LPA: variants seen among roughly 807,000 people sequenced by gnomAD.
The protein encoded by LPA is apolipoprotein(a).
Under a neutral mutation model 197.9 loss-of-function variants are expected in LPA, and 199 were observed. That is an observed-to-expected ratio of 1.01 (90% CI 0.90 to 1.13). LPA has a LOEUF of 1.13. LPA is among the 50% of genes most tolerant of loss of function. The pLI, the probability that LPA is intolerant of heterozygous loss-of-function variation, is 0.00. For missense variants in LPA, 1,853 were observed against 1,785.8 expected (o/e 1.04, Z -0.68); for synonymous variants, 715 against 639.5 (o/e 1.12, Z -1.78).
intron 4 of LPA, among the ~76,000 whole-genome samples, chr6:160,641,073 T>A (rs1204585519): frequency 7.2e-6 from 1 of 139,246 alleles, no homozygotes; most frequent in East Asian, 2.0e-4. Context: ...ATAAAAAATC[T>A]AAAGTAGCAA....
intron 20 of LPA, among the ~76,000 whole-genome samples, chr6:160,596,291 T>C (rs1434362423): frequency 6.6e-6 from 1 of 152,200 alleles, no homozygotes; most frequent in African/African-American, 2.4e-5. Flanking sequence ...GAATCAACTT[T>C]CTGTTTCAAG....
chr6:160,603,905 C>T (rs1426045941), intron 18 of LPA, among the ~76,000 whole-genome samples: 1 of 152,126 alleles, frequency 6.6e-6, no homozygotes, highest in Non-Finnish European at 1.5e-5. Flanking sequence ...ACTGTATTCC[C>T]AAGAGGTTCA....
rs529901215 is a variant in LPA, at chr6:160,534,263, A to T, written c.5843-1614T>A. ...TTCTCAAAATATTTTGCTGAAAGTT[A>T]AGTTAGGTGTCACTGCTCTCAGATT... On this transcript the variant is annotated intron_variant, in intron 37 of 38. Transcript: ENST00000316300. Among the ~76,000 whole-genome samples the T allele has an allele frequency of 2.0e-4, 31 of 152,310 alleles. No individual in the cohort carries two copies. In the East Asian group the frequency reaches 6.0e-3, roughly 29 times the overall value.
chr6:160,571,102 T>G (rs1778554620), intron 28 of LPA, among the ~76,000 whole-genome samples: 1 of 152,222 alleles, frequency 6.6e-6, no homozygotes, highest in South Asian at 2.1e-4. Flanking sequence ...TTTTCACGCT[T>G]TACTTCATTA....
intron 26 of LPA, 101 bp downstream of exon 26, chr6:160,584,945 T>G: frequency 8.2e-7 from 1 of 1,225,714 alleles, no homozygotes; most frequent in Non-Finnish European, 1.2e-6. Context: ...ACTCTGAGTC[T>G]ATGAGAAATT....
chr6:160,562,319 C>T (rs564332451), intron 28 of LPA, among the ~76,000 whole-genome samples: 272 of 152,160 alleles, frequency 1.8e-3, no homozygotes, highest in African/African-American at 6.4e-3. Context: ...GCGTCTATTG[C>T]GATAATCATA....
chr6:160,598,686 G>C (rs1040673968), intron 20 of LPA, among the ~76,000 whole-genome samples: 49 of 152,088 alleles, frequency 3.2e-4, no homozygotes, highest in African/African-American at 1.1e-3. Context: ...CTGCTTTCCT[G>C]CCTTTGTTCT....
At chr6:160,634,751 A>T (rs1222801794) in intron 7 of LPA, among the ~76,000 whole-genome samples, 2 of 151,862 alleles carry the variant, frequency 1.3e-5, no homozygotes, top group Non-Finnish European at 2.9e-5. Context: ...TGAAGATTGC[A>T]CTGACTGCTG....
intron 34 of LPA, 95 bp downstream of exon 34, chr6:160,542,593 G>T: frequency 6.4e-7 from 1 of 1,562,052 alleles, no homozygotes. Flanking sequence ...GGCAGGTATT[G>T]ATGCATCAGC....
chr6:160,603,609 G>C (rs1443867888), intron 18 of LPA, among the ~76,000 whole-genome samples: 1 of 151,932 alleles, frequency 6.6e-6, no homozygotes, highest in Admixed American at 6.6e-5. Flanking sequence ...AGGTCTATTT[G>C]TATTGACTGA....
At chr6:160,651,782 G>T (rs947642842) in intron 1 of LPA, among the ~76,000 whole-genome samples, 8 of 152,108 alleles carry the variant, frequency 5.3e-5, no homozygotes, top group Non-Finnish European at 1.0e-4. Context: ...AAAGAATCTT[G>T]TGGTAAAGGT....
chr6:160,606,519 T>G lies in LPA; in HGVS notation c.2743A>C (p.Thr915Pro). Residue 915 changes from threonine to proline, a missense_variant, in exon 17 of 39, where the codon ACT becomes CCT. By Grantham distance (38) the Thr-to-Pro change is conservative. This residue lies in a region of LPA where 1,737 missense variants were observed against 1,504.4 expected (regional missense o/e 1.15). Coordinates refer to ENST00000316300, the MANE Select transcript of LPA (RefSeq NM_005577.4). ...DAEGTAVAPP[T>P]ITPIPSLEAP... The stretch of plus-strand genomic sequence containing the variant: ...TCTAGGCTTGGAATCGGGGTAATAG[T>G]TGGAGGCGCGACGGCAGTCCCTTCT... 1 of 1,613,540 alleles carries G rather than the reference T, an allele frequency of 6.2e-7. No individual in the cohort carries two copies. The highest frequency in any genetic ancestry group is 8.5e-7 in the Non-Finnish European group (1 of 1,179,894).
At chr6:160,647,642 T>A (rs1171696142) in intron 2 of LPA, among the ~76,000 whole-genome samples, 4 of 152,218 alleles carry the variant, frequency 2.6e-5, no homozygotes, top group African/African-American at 7.2e-5. Flanking sequence ...GTGATTGCTC[T>A]AGGATTTGCA....
Position 160,556,127 on chromosome 6 carries a change from T to C in LPA, c.4871A>G (p.Tyr1624Cys). ...RQCYHGNGQS[Y>C]RGTFSTTVTG... ...GACAGTGGTGGAGAATGTGCCTCGA[T>C]AACTCTGGCCATTACCATGGTAGCA... The change falls in exon 30 of 39, where the codon TAT becomes TGT. Residue 1624 changes from tyrosine (Y) to cysteine (C), a missense_variant. Physicochemically the swap from Tyr to Cys is radical, Grantham distance 194. This residue lies in a region of LPA where 1,737 missense variants were observed against 1,504.4 expected (regional missense o/e 1.15). Coordinates refer to ENST00000316300, the MANE Select transcript of LPA (RefSeq NM_005577.4). The C allele has an allele frequency of 6.2e-7, 1 of 1,614,024 alleles. No individual in the cohort carries two copies. Among genetic ancestry groups the C allele is most frequent in the South Asian group, 1.1e-5 (1 of 91,080 alleles).
At chr6:160,589,532 G>A (rs932943669) in intron 24 of LPA, 21 bp downstream of exon 24, 1 of 1,612,288 alleles carries the variant, frequency 6.2e-7, no homozygotes, top group Non-Finnish European at 8.5e-7. Context: ...GTTTCTCTTG[G>A]GAGAAAACTC....
intron 28 of LPA, among the ~76,000 whole-genome samples, chr6:160,575,190 C>T (rs7454656): frequency 0.099 from 15,028 of 151,944 alleles, 951 homozygotes; most frequent in Non-Finnish European, 0.15. Context: ...AATCTGTGAG[C>T]TTTTTTTTCT....
chr6:160,600,256 C>G (rs1407434557), intron 19 of LPA, among the ~76,000 whole-genome samples: 2 of 152,170 alleles, frequency 1.3e-5, no homozygotes, highest in Non-Finnish European at 2.9e-5. Flanking sequence ...TCGTGCCCAG[C>G]ATAATGCATT....
At position 160,544,375 on chromosome 6, in the gene LPA, T is replaced by C. The variant is rs776168303; in HGVS notation, c.5398+1065A>G. On this transcript the variant is annotated intron_variant, in intron 33 of 38. Transcript: ENST00000316300. ...GACAAAATAGAACAAAAGCACCCAC[T>C]CGAGAAAAAAGTCAGCTATCAACTC... is the stretch of plus-strand genomic sequence containing the variant. Among the ~76,000 whole-genome samples the C allele has an allele frequency of 2.6e-5, 4 of 151,898 alleles. No homozygotes were observed. The South Asian group carries it at 8.4e-4, about 32-fold the overall frequency.
At chr6:160,574,972 T>C (rs952342220) in intron 28 of LPA, among the ~76,000 whole-genome samples, 1 of 152,206 alleles carries the variant, frequency 6.6e-6, no homozygotes, top group African/African-American at 2.4e-5. Context: ...AAGATGTTAC[T>C]TTATTGTTTC....
Sources: gnomAD v4.1 joint callset for allele counts (sites outside exome capture counted in the v4.1 genomes callset) on GRCh38, gnomAD v4.1.1 for gene constraint, gnomAD v4.1.1 regional missense constraint, MANE v1.5 for transcripts, NCBI Gene and HGNC (gene_info 2026-07-23, HGNC 2026-07-21) for gene names.